EBF1: variants seen among roughly 807,000 people sequenced by gnomAD.
EBF1 encodes the protein transcription factor COE1.
A neutral mutation model predicts 68.4 loss-of-function variants in EBF1; 10 were observed. That is an observed-to-expected ratio of 0.15 (90% CI 0.09 to 0.25). The LOEUF (loss-of-function observed/expected upper bound fraction) is 0.25. Ranked by LOEUF, EBF1 falls within the 10% of genes least tolerant of loss-of-function variation. The pLI, the probability that EBF1 is intolerant of heterozygous loss-of-function variation, is 1.00. For synonymous variants in EBF1, 298 were observed against 299.8 expected, an observed-to-expected ratio of 0.99 and a Z score of 0.06; for missense variants, 509 against 794.4, an observed-to-expected ratio of 0.64 and a Z score of 4.32.
At chr5:159,082,176 C>A (rs1779858716) in intron 5 of EBF1, among the ~76,000 whole-genome samples, 1 of 151,944 alleles carries the variant, frequency 6.6e-6, no homozygotes, top group Non-Finnish European at 1.5e-5. Context: ...CAGAATCATA[C>A]CAAGCCTTGT....
At chr5:159,018,885 ACTC>A (rs2127706046) in intron 6 of EBF1, 1 of 152,136 alleles carries the variant, frequency 6.6e-6, no homozygotes, top group Admixed American at 6.5e-5. Context: ...CCACAGCTTC[ACTC>A]CTCCTGTCTT....
intron 6 of EBF1, among the ~76,000 whole-genome samples, chr5:159,046,462 C>T (rs1561876926): frequency 1.3e-5 from 2 of 152,194 alleles, no homozygotes; most frequent in African/African-American, 4.8e-5. Context: ...GTGTAAGAGC[C>T]ATGGGCCTAA....
intron 6 of EBF1, among the ~76,000 whole-genome samples, chr5:158,982,271 G>A (rs1372139160): frequency 6.6e-6 from 1 of 152,170 alleles, no homozygotes. Context: ...ATAAACATTA[G>A]CTGCTACAGT....
At chr5:159,032,458 G>A (rs1020261299) in intron 6 of EBF1, among the ~76,000 whole-genome samples, 10 of 152,122 alleles carry the variant, frequency 6.6e-5, no homozygotes, top group African/African-American at 1.2e-4. Flanking sequence ...CTGGCTCCTC[G>A]ATCAGCTCTT....
At chr5:159,037,673 G>A (rs1353369678) in intron 6 of EBF1, among the ~76,000 whole-genome samples, 1 of 120,600 alleles carries the variant, frequency 8.3e-6, no homozygotes, top group African/African-American at 3.2e-5. Context: ...GGGGGAGGGG[G>A]GAGGGATAGC....
At chr5:158,979,553 G>C (rs996937211) in intron 6 of EBF1, among the ~76,000 whole-genome samples, 6 of 152,004 alleles carry the variant, frequency 3.9e-5, no homozygotes, top group African/African-American at 1.2e-4. Context: ...CTTATTGTAA[G>C]ACACCACAGG....
chr5:158,883,806 T>C (rs1375773413), intron 6 of EBF1, among the ~76,000 whole-genome samples: 2 of 152,152 alleles, frequency 1.3e-5, no homozygotes, highest in Non-Finnish European at 2.9e-5. Flanking sequence ...ACTCTGGCAC[T>C]GTGTGAAGAA....
At chr5:158,839,998 T>C (rs773026657) in intron 7 of EBF1, 31 bp downstream of exon 7, 19 of 1,596,814 alleles carry the variant, frequency 1.2e-5, no homozygotes, top group Non-Finnish European at 1.5e-5. Flanking sequence ...CATGCCATTA[T>C]TGAGATTCAA....
intron 9 of EBF1, among the ~76,000 whole-genome samples, chr5:158,786,990 G>A (rs1202107083): frequency 6.6e-6 from 1 of 152,116 alleles, no homozygotes; most frequent in Non-Finnish European, 1.5e-5. Context: ...TGTGGTGTTT[G>A]TCATATCTAG....
At chr5:158,802,831 C>T (rs1780858554) in intron 8 of EBF1, among the ~76,000 whole-genome samples, 1 of 152,160 alleles carries the variant, frequency 6.6e-6, no homozygotes, top group African/African-American at 2.4e-5. Flanking sequence ...CTATGCACCA[C>T]ATAGTATGCT....
chr5:159,008,030 T>C (rs919660557), intron 6 of EBF1, among the ~76,000 whole-genome samples: 1 of 152,216 alleles, frequency 6.6e-6, no homozygotes, highest in African/African-American at 2.4e-5. Flanking sequence ...ATAGATTTTA[T>C]TTGCTAGCAT....
intron 8 of EBF1, among the ~76,000 whole-genome samples, chr5:158,806,694 A>C (rs1328065872): frequency 6.6e-6 from 1 of 152,188 alleles, no homozygotes; most frequent in Non-Finnish European, 1.5e-5. Flanking sequence ...ATTTTGTAAA[A>C]CACATGTCTT....
In EBF1 at chr5:158,777,415, G is replaced by A; in HGVS notation, c.1034C>T (p.Thr345Ile). ...TCACCATGTGCTGTGGTTCTTACCTGTATAAATGAATCTGCCTGGTGTTCC... is the reference window on the plus strand; with the variant it reads ...TCACCATGTGCTGTGGTTCTTACCTATATAAATGAATCTGCCTGGTGTTCC... ...CKGTPGRFIY[T>I]ALNEPTIDYG... The change falls in exon 10 of 16, where the codon ACA becomes ATA. Residue 345 changes from threonine (T) to isoleucine (I), a missense_variant and splice_region_variant. Coordinates refer to ENST00000313708, the MANE Select transcript of EBF1 (RefSeq NM_024007.5). 1.9e-6 allele frequency: 3 copies of A among 1,611,194 alleles called. No individual in the cohort carries two copies. Among genetic ancestry groups the A allele is most frequent in the Non-Finnish European group, 2.5e-6 (3 of 1,178,426 alleles).
intron 8 of EBF1, among the ~76,000 whole-genome samples, chr5:158,800,107 T>C (rs908866940): frequency 6.6e-6 from 1 of 152,088 alleles, no homozygotes; most frequent in African/African-American, 2.4e-5. Flanking sequence ...TAGGGGGTGG[T>C]TAAAGAAATT....
intron 6 of EBF1, chr5:158,941,290 G>A (rs909916659): frequency 3.7e-5 from 17 of 454,546 alleles, no homozygotes; most frequent in South Asian, 1.1e-4. Context: ...TCAGGAACAC[G>A]TACAAATACA....
chr5:158,736,228 T>C (rs1274488993), intron 10 of EBF1, among the ~76,000 whole-genome samples: 2 of 152,224 alleles, frequency 1.3e-5, no homozygotes, highest in African/African-American at 2.4e-5. Flanking sequence ...TTTCTCTTTT[T>C]GGAGTTTCCT....
intron 6 of EBF1, among the ~76,000 whole-genome samples, chr5:158,881,071 TA>T (rs1798808016): frequency 6.6e-6 from 1 of 152,134 alleles, no homozygotes; most frequent in African/African-American, 2.4e-5. Context: ...AGACTGGGAA[TA>T]AATAACACAA....
chr5:158,712,377 T>C (rs1759581813), intron 13 of EBF1, 44 bp from the exon 14 acceptor site: 4 of 1,602,606 alleles, frequency 2.5e-6, no homozygotes, highest in Admixed American at 1.7e-5. Context: ...GGCATTCAGA[T>C]GGTGGCAATC....
intron 6 of EBF1, among the ~76,000 whole-genome samples, chr5:158,965,945 C>G (rs2127546432): frequency 6.6e-6 from 1 of 152,254 alleles, no homozygotes; most frequent in South Asian, 2.1e-4. Flanking sequence ...AATCTACATC[C>G]TAATGGTGCT....
Sources: allele counts gnomAD v4.1 joint callset (sites outside exome capture counted in the v4.1 genomes callset), GRCh38; gene constraint gnomAD v4.1.1; transcripts MANE v1.5; gene names NCBI Gene and HGNC (gene_info 2026-07-23, HGNC 2026-07-21).